The following DNAJC1 variants were observed in gnomAD, a reference collection of about 807,000 sequenced individuals.
DNAJC1 encodes the protein DnaJ heat shock protein family (Hsp40) member C1.
Under a neutral mutation model 76.6 loss-of-function variants are expected in DNAJC1, and 58 were observed. The observed-to-expected ratio is 0.76, with a 90% CI of 0.61 to 0.94. The LOEUF (loss-of-function observed/expected upper bound fraction) is 0.94. DNAJC1 is among the 40% of genes least tolerant of loss of function. DNAJC1 has a pLI of 0.00. For missense variants in DNAJC1, 689 were observed against 677.3 expected (o/e 1.02, Z -0.19); for synonymous variants, 258 against 267.9 (o/e 0.96, Z 0.36).
chr10:21,779,381 C>T (rs552235490), intron 9 of DNAJC1, among the ~76,000 whole-genome samples: 13 of 152,156 alleles, frequency 8.5e-5, no homozygotes, highest in Non-Finnish European at 1.9e-4. Flanking sequence ...CGGCCACATA[C>T]CCCTCTGAGA....
chr10:21,850,083 A>C (rs1285863474), intron 8 of DNAJC1, among the ~76,000 whole-genome samples: 1 of 152,192 alleles, frequency 6.6e-6, no homozygotes, highest in East Asian at 1.9e-4. Context: ...CACTTTAGCC[A>C]CTTCTGTTTA....
intron 7 of DNAJC1, among the ~76,000 whole-genome samples, chr10:21,891,797 C>T (rs116798414): frequency 6.6e-6 from 1 of 152,152 alleles, no homozygotes; most frequent in African/African-American, 2.4e-5. Flanking sequence ...GTGGACCTAT[C>T]CTGCAATAAT....
intron 1 of DNAJC1, among the ~76,000 whole-genome samples, chr10:21,956,042 G>A (rs1429503789): frequency 3.9e-5 from 6 of 152,140 alleles, no homozygotes; most frequent in African/African-American, 9.7e-5. Flanking sequence ...AACAATACCC[G>A]AGACTGCGTA....
chr10:21,946,316 T>A lies in DNAJC1; in HGVS notation c.223-17175A>T, dbSNP rs904263134. On this transcript the variant is annotated intron_variant, in intron 1 of 11. Transcript: ENST00000376980. The stretch of plus-strand genomic sequence containing the variant: ...CAGCCTCCCAAAGTGCTGATACACA[T>A]AAAAATATTTTATAATCTCTACACA... 2.6e-5 allele frequency among the ~76,000 whole-genome samples: 4 copies of A among 151,902 alleles called. No homozygotes were observed. The East Asian group carries it at 7.7e-4, about 29-fold the overall frequency.
chr10:21,772,148 T>C (rs1280181698), intron 9 of DNAJC1, among the ~76,000 whole-genome samples: 1 of 152,154 alleles, frequency 6.6e-6, no homozygotes, highest in Non-Finnish European at 1.5e-5. Context: ...GGTGGTATTT[T>C]TTGAGATTTT....
chr10:21,895,845 G>T (rs1836532515), intron 7 of DNAJC1, among the ~76,000 whole-genome samples: 1 of 152,154 alleles, frequency 6.6e-6, no homozygotes, highest in African/African-American at 2.4e-5. Flanking sequence ...AAACACTTGT[G>T]AAACCATGGG....
At chr10:21,776,082 T>C (rs1834451635) in intron 9 of DNAJC1, among the ~76,000 whole-genome samples, 1 of 152,008 alleles carries the variant, frequency 6.6e-6, no homozygotes, top group Non-Finnish European at 1.5e-5. Context: ...GTAGAGTGAA[T>C]GAAAAAAAAC....
intron 8 of DNAJC1, among the ~76,000 whole-genome samples, chr10:21,833,075 C>G (rs956740427): frequency 6.6e-6 from 1 of 152,194 alleles, no homozygotes; most frequent in Non-Finnish European, 1.5e-5. Flanking sequence ...ATCTGCTAAA[C>G]TGCAATAGTA....
chr10:21,858,249 A>C lies in DNAJC1; in HGVS notation c.978+24033T>G, dbSNP rs1228531473. Among the ~76,000 whole-genome samples, 3 of 152,336 alleles carry C rather than the reference A, an allele frequency of 2.0e-5. No homozygotes were observed. The East Asian group carries it at 5.8e-4, about 29-fold the overall frequency. ...AACAGGCATTTTATAGCAATGAATAAAATAAAAAGTCTCTGAGAAAGTAAA... is the reference window on the plus strand; with the variant it reads ...AACAGGCATTTTATAGCAATGAATACAATAAAAAGTCTCTGAGAAAGTAAA... On this transcript the variant is annotated intron_variant, in intron 8 of 11. Transcript: ENST00000376980.
chr10:21,776,100 G>A (rs1834451867), intron 9 of DNAJC1, among the ~76,000 whole-genome samples: 1 of 152,036 alleles, frequency 6.6e-6, no homozygotes. Context: ...AACTAAAATA[G>A]GTTGCATTCC....
In DNAJC1 at chr10:22,003,480, G is replaced by T. The variant is rs1346165950; in HGVS notation, c.-46C>A. ...CACCCGCCGCGCAGCTCCGTTGGCC[G>T]AGAGCTGGGACGTGGCGGGCGGCGC... On this transcript the variant is annotated 5_prime_UTR_variant, in exon 1 of 12. Transcript: ENST00000376980. 7.6e-7 allele frequency: 1 copy of T among 1,313,480 alleles called. No individual in the cohort carries two copies. Among genetic ancestry groups the T allele is most frequent in the South Asian group, 2.3e-5 (1 of 44,044 alleles). 81.4% of individuals were successfully genotyped at this position (1,313,480 alleles called of 1,614,324 possible).
At chr10:22,000,288 T>G (rs1450151080) in intron 1 of DNAJC1, among the ~76,000 whole-genome samples, 3 of 152,194 alleles carry the variant, frequency 2.0e-5, no homozygotes, top group Non-Finnish European at 4.4e-5. Context: ...CCTCACAGAC[T>G]ATACTCAGTA....
At chr10:21,993,121 T>G (rs1482296565) in intron 1 of DNAJC1, among the ~76,000 whole-genome samples, 1 of 151,832 alleles carries the variant, frequency 6.6e-6, no homozygotes, top group Non-Finnish European at 1.5e-5. Flanking sequence ...TTACCATATA[T>G]ATATACTTTA....
rs1835316146 is a variant in DNAJC1, at chr10:21,829,277, T to G, written c.979-23178A>C. On this transcript the variant is annotated intron_variant, in intron 8 of 11. Transcript: ENST00000376980. ...TCGCCCAGGCTGGAGTGCAGTGGCG[T>G]GATCTTGGCTCACTGCAGCTCCGCC... Among the ~76,000 whole-genome samples, 3 of 151,828 alleles carry G rather than the reference T, an allele frequency of 2.0e-5. No homozygotes were observed. The South Asian group carries it at 6.2e-4, about 32-fold the overall frequency.
chr10:21,849,119 G>GTT (rs2131686273), intron 8 of DNAJC1, among the ~76,000 whole-genome samples: 1 of 151,560 alleles, frequency 6.6e-6, no homozygotes, highest in South Asian at 2.1e-4. Flanking sequence ...ACAAAACCCT[G>GTT]TTTCTACTAA....
chr10:21,760,016 A>G (rs1834222799), intron 10 of DNAJC1, among the ~76,000 whole-genome samples: 1 of 152,252 alleles, frequency 6.6e-6, no homozygotes, highest in African/African-American at 2.4e-5. Context: ...CAACTGGTCA[A>G]ACCTTAAAAC....
intron 9 of DNAJC1, among the ~76,000 whole-genome samples, chr10:21,787,227 C>T (rs566745791): frequency 6.6e-6 from 1 of 152,140 alleles, no homozygotes; most frequent in African/African-American, 2.4e-5. Context: ...ACTCAGGAAG[C>T]TGAGGCAGGA....
chr10:21,996,106 G>A (rs1838411940), intron 1 of DNAJC1, among the ~76,000 whole-genome samples: 2 of 151,930 alleles, frequency 1.3e-5, no homozygotes, highest in African/African-American at 4.8e-5. Context: ...AATGATCTAG[G>A]GTCCTGCTTC....
chr10:21,944,669 C>G (rs974826128), intron 1 of DNAJC1, among the ~76,000 whole-genome samples: 2 of 151,974 alleles, frequency 1.3e-5, no homozygotes, highest in South Asian at 2.1e-4. Context: ...GGATAATCTG[C>G]AAAGGAGAAA....
Sources: allele counts gnomAD v4.1 joint callset (sites outside exome capture counted in the v4.1 genomes callset), GRCh38; gene constraint gnomAD v4.1.1; transcripts MANE v1.5; gene names NCBI Gene and HGNC (gene_info 2026-07-23, HGNC 2026-07-21).